Variants in CRTAC1 observed in about 807,000 individuals in gnomAD.
CRTAC1 encodes acidic secreted protein in cartilage.
CRTAC1 carries 37 observed loss-of-function variants against 67.8 expected under a neutral mutation model. That is an observed-to-expected ratio of 0.55 (90% CI 0.42 to 0.72). The LOEUF is 0.72. Ranked by LOEUF, CRTAC1 falls within the 30% of genes least tolerant of loss-of-function variation. The pLI is 0.00. For synonymous variants in CRTAC1, 348 were observed against 371.0 expected, an observed-to-expected ratio of 0.94 and a Z score of 0.71; for missense variants, 780 against 931.6, an observed-to-expected ratio of 0.84 and a Z score of 2.12.
intron 3 of CRTAC1, among the ~76,000 whole-genome samples, chr10:97,924,844 G>A (rs2050890309): frequency 6.6e-6 from 1 of 152,204 alleles, no homozygotes; most frequent in Admixed American, 6.5e-5. Flanking sequence ...GTGAGTGGGT[G>A]TGTGTGAGGG....
chr10:97,989,436 C>T (rs1345489697), intron 2 of CRTAC1, among the ~76,000 whole-genome samples: 3 of 152,174 alleles, frequency 2.0e-5, no homozygotes, highest in Non-Finnish European at 4.4e-5. Flanking sequence ...CTACTACACA[C>T]CTAGGCTAGA....
In CRTAC1 at chr10:97,908,088, C is replaced by T. The variant is rs750401041; in HGVS notation, c.775G>A (p.Asp259Asn). 7.4e-6 allele frequency: 12 copies of T among 1,614,048 alleles called. No homozygotes were observed. The highest frequency in any genetic ancestry group is 4.5e-5 in the East Asian group (2 of 44,894). ...AGGAAGTTAGGCCCATTCTCATTGT[C>T]GCAGAAGATATCCGAGGCACTGCTG... Reference protein sequence around the residue: ...LSSSASDIFCDNENGPNFLFH... With the variant: ...LSSSASDIFCNNENGPNFLFH... Residue 259 changes from aspartate (D) to asparagine (N), a missense_variant, in exon 6 of 15, where the codon GAC becomes AAC. Transcript: ENST00000370597.
intron 14 of CRTAC1, chr10:97,878,595 A>G: frequency 1.5e-6 from 2 of 1,302,306 alleles, no homozygotes; most frequent in Non-Finnish European, 2.0e-6. Context: ...TCGTGAGCAT[A>G]TTCTGTGGCG....
At chr10:98,022,785 G>A (rs80258388) in intron 1 of CRTAC1, among the ~76,000 whole-genome samples, 1,856 of 152,186 alleles carry the variant, frequency 0.012, 19 homozygotes, top group Middle Eastern at 0.044. Flanking sequence ...ATTTTTGAAA[G>A]GGCATTTTAG....
At chr10:97,891,890 G>A (rs2050379825) in intron 11 of CRTAC1, among the ~76,000 whole-genome samples, 1 of 152,238 alleles carries the variant, frequency 6.6e-6, no homozygotes, top group Non-Finnish European at 1.5e-5. Context: ...CACCTGCTGA[G>A]GCGCCTCGTG....
intron 14 of CRTAC1, among the ~76,000 whole-genome samples, chr10:97,874,765 A>G (rs1485870925): frequency 6.6e-6 from 1 of 152,128 alleles, no homozygotes; most frequent in East Asian, 1.9e-4. Flanking sequence ...AAGACACCTT[A>G]CCTACTTTAA....
chr10:97,868,507 C>T (rs780947463), intron 14 of CRTAC1: 1 of 152,274 alleles, frequency 6.6e-6, no homozygotes, highest in South Asian at 2.1e-4. Context: ...CGGCTCCAGC[C>T]TCTTAGGTGG....
intron 1 of CRTAC1, among the ~76,000 whole-genome samples, chr10:98,018,824 C>T (rs1044893042): frequency 1.3e-5 from 2 of 149,630 alleles, no homozygotes; most frequent in Non-Finnish European, 3.0e-5. Flanking sequence ...GGAACACTGC[C>T]CCACACAGGC....
intron 2 of CRTAC1, among the ~76,000 whole-genome samples, chr10:98,007,509 T>C (rs960955825): frequency 6.6e-6 from 1 of 152,228 alleles, no homozygotes; most frequent in African/African-American, 2.4e-5. Flanking sequence ...AAGCCTGACC[T>C]GGAGCTGGGA....
intron 14 of CRTAC1, among the ~76,000 whole-genome samples, chr10:97,876,633 G>A (rs1360744598): frequency 1.3e-5 from 2 of 152,108 alleles, no homozygotes; most frequent in African/African-American, 4.8e-5. Flanking sequence ...TGCCCCTAAA[G>A]GCATTTGTTA....
chr10:97,942,373 T>C (rs1254935731), intron 2 of CRTAC1, among the ~76,000 whole-genome samples: 2 of 152,156 alleles, frequency 1.3e-5, no homozygotes, highest in Non-Finnish European at 2.9e-5. Context: ...CAATCCCTTG[T>C]TTGTTCTTGG....
intron 3 of CRTAC1, among the ~76,000 whole-genome samples, chr10:97,932,977 C>T (rs1314088153): frequency 6.6e-6 from 1 of 152,266 alleles, no homozygotes; most frequent in Non-Finnish European, 1.5e-5. Context: ...CCAACGCTAG[C>T]ATCCCAAAGG....
chr10:98,028,699 C>T (rs1431158155), intron 1 of CRTAC1, among the ~76,000 whole-genome samples: 1 of 152,118 alleles, frequency 6.6e-6, no homozygotes, highest in South Asian at 2.1e-4. Context: ...TGCACAAATC[C>T]CCAGTGGAGA....
intron 2 of CRTAC1, among the ~76,000 whole-genome samples, chr10:98,000,069 G>A (rs1842659615): frequency 6.6e-6 from 1 of 152,162 alleles, no homozygotes; most frequent in South Asian, 2.1e-4. Flanking sequence ...AGACTGAGCT[G>A]TTCTATCACT....
In CRTAC1 at chr10:97,928,595, C is replaced by T. The variant is rs2050956624; in HGVS notation, c.422-5195G>A. 1.3e-5 allele frequency among the ~76,000 whole-genome samples: 2 copies of T among 152,216 alleles called. 1 individual carries two copies. The highest frequency in any genetic ancestry group is 4.8e-5 in the African/African-American group (2 of 41,450). ...AGGGGACTTGCCTAAGATCCCACAA[C>T]TGGCAGAGCCCAGCAGGGCAGAACC... On this transcript the variant is annotated intron_variant, in intron 3 of 14. Transcript: ENST00000370597.
intron 2 of CRTAC1, among the ~76,000 whole-genome samples, chr10:97,998,295 T>A (rs1246552609): frequency 1.3e-5 from 2 of 152,162 alleles, no homozygotes; most frequent in South Asian, 2.1e-4. Flanking sequence ...AAAAAGATGA[T>A]GGCTGAGAAA....
At chr10:97,899,061 G>A (rs1291910593) in intron 8 of CRTAC1, among the ~76,000 whole-genome samples, 1 of 152,144 alleles carries the variant, frequency 6.6e-6, no homozygotes, top group Admixed American at 6.5e-5. Context: ...TGTTCCTGGA[G>A]AGCACCAGGG....
intron 1 of CRTAC1, among the ~76,000 whole-genome samples, chr10:98,026,670 T>A (rs1843239981): frequency 6.6e-6 from 1 of 152,110 alleles, no homozygotes; most frequent in Non-Finnish European, 1.5e-5. Context: ...AACTTCATCT[T>A]CTGTGAGCAT....
intron 3 of CRTAC1, among the ~76,000 whole-genome samples, chr10:97,933,704 A>C (rs2051037839): frequency 6.6e-6 from 1 of 152,266 alleles, no homozygotes; most frequent in African/African-American, 2.4e-5. Context: ...AAGCATCCTC[A>C]GTCCCTAGAA....
Sources: gnomAD v4.1 joint callset for allele counts (sites outside exome capture counted in the v4.1 genomes callset) on GRCh38, gnomAD v4.1.1 for gene constraint, MANE v1.5 for transcripts, NCBI Gene and HGNC (gene_info 2026-07-23, HGNC 2026-07-21) for gene names.